Variants in PCDHAC1 observed in about 807,000 individuals in gnomAD.
PCDHAC1 encodes the protein protocadherin alpha-C1.
PCDHAC1 carries 42 observed loss-of-function variants against 60.0 expected under a neutral mutation model. The observed-to-expected ratio is 0.70, with a 90% confidence interval of 0.55 to 0.90. The LOEUF is 0.90. Among genes scored for constraint, PCDHAC1 ranks in the 40% least tolerant of loss-of-function variants. The pLI is 0.00. For synonymous variants in PCDHAC1, 468 were observed against 499.3 expected (o/e 0.94, Z 0.84); for missense variants, 1,160 against 1,222.3 (o/e 0.95, Z 0.76).
At chr5:140,987,022 T>C (rs1218338191) in intron 3 of PCDHAC1, among the ~76,000 whole-genome samples, 1 of 152,068 alleles carries the variant, frequency 6.6e-6, no homozygotes, top group African/African-American at 2.4e-5. Flanking sequence ...GAGACCAGCC[T>C]GGTCAACATG....
chr5:140,936,834 T>TA (rs1554211213), intron 1 of PCDHAC1, among the ~76,000 whole-genome samples: 1 of 152,210 alleles, frequency 6.6e-6, no homozygotes, highest in African/African-American at 2.4e-5. Context: ...CATTTCTATA[T>TA]AAATTGTAGA....
At chr5:140,938,251 A>C (rs1015321564) in intron 1 of PCDHAC1, among the ~76,000 whole-genome samples, 4 of 152,176 alleles carry the variant, frequency 2.6e-5, no homozygotes, top group Non-Finnish European at 5.9e-5. Context: ...TGGTCTTTTA[A>C]AAACTTTCTA....
intron 1 of PCDHAC1, among the ~76,000 whole-genome samples, chr5:140,963,188 G>A (rs1333064851): frequency 6.6e-6 from 1 of 151,712 alleles, no homozygotes; most frequent in African/African-American, 2.4e-5. Context: ...GCTGTAGACT[G>A]TGAAAATGAA....
intron 1 of PCDHAC1, among the ~76,000 whole-genome samples, chr5:140,934,327 T>C (rs1379362644): frequency 1.3e-5 from 2 of 152,152 alleles, no homozygotes; most frequent in African/African-American, 4.8e-5. Flanking sequence ...CAATCATGAA[T>C]GTAATAACCA....
Position 140,928,896 on chromosome 5 carries a change from A to G in PCDHAC1, c.2004A>G (p.Glu668=). The change falls in exon 1 of 4, where the codon GAA becomes GAG. Residue 668 remains glutamate, a synonymous_variant. Coordinates refer to ENST00000253807, the MANE Select transcript of PCDHAC1 (RefSeq NM_018898.5). ...NSVPQLLPDF[E]DVWEPGGQLS... ...TCCCTCAGTTACTTCCAGACTTTGAAGATGTCTGGGAACCAGGAGGGCAGC... is the reference window on the plus strand; with the variant it reads ...TCCCTCAGTTACTTCCAGACTTTGAGGATGTCTGGGAACCAGGAGGGCAGC... 3 of 1,614,108 alleles carry G rather than the reference A, an allele frequency of 1.9e-6. No homozygotes were observed. Among genetic ancestry groups the G allele is most frequent in the Non-Finnish European group, 2.5e-6 (3 of 1,180,024 alleles).
chr5:140,932,991 C>T (rs2088784414), intron 1 of PCDHAC1, among the ~76,000 whole-genome samples: 1 of 151,940 alleles, frequency 6.6e-6, no homozygotes, highest in African/African-American at 2.4e-5. Context: ...AAATGCATGT[C>T]ATATGAATAT....
At position 141,011,314 on chromosome 5, in the gene PCDHAC1, T is replaced by G. The variant is rs1269900647; in HGVS notation, c.*1377T>G. 2.0e-5 allele frequency: 3 copies of G among 153,782 alleles called. No homozygotes were observed. Among genetic ancestry groups the G allele is most frequent in the Non-Finnish European group, 4.4e-5 (3 of 68,040 alleles). 9.5% of individuals were successfully genotyped at this position (153,782 alleles called of 1,614,324 possible). On this transcript the variant is annotated 3_prime_UTR_variant, in exon 4 of 4. Coordinates refer to ENST00000253807, the MANE Select transcript of PCDHAC1 (RefSeq NM_018898.5). ...CTATAACACTCTGAATTGCTAATCT[T>G]ACTAACACCTATGATGTTACCTGAA...
chr5:140,964,531 C>T (rs781961669), intron 1 of PCDHAC1, among the ~76,000 whole-genome samples: 4 of 152,058 alleles, frequency 2.6e-5, no homozygotes, highest in Non-Finnish European at 5.9e-5. Context: ...CTCTGAGCTG[C>T]GTGCAGAGAT....
intron 1 of PCDHAC1, chr5:140,968,408 A>G: frequency 6.2e-7 from 1 of 1,613,980 alleles, no homozygotes; most frequent in Non-Finnish European, 8.5e-7. Flanking sequence ...GTTCTTTGTG[A>G]CTGTGGAGGC....
intron 1 of PCDHAC1, among the ~76,000 whole-genome samples, chr5:140,960,080 A>G: frequency 6.6e-6 from 1 of 152,360 alleles, no homozygotes; most frequent in South Asian, 2.1e-4. Context: ...GAAGTTTCTA[A>G]AAGAGAAAGA....
intron 1 of PCDHAC1, among the ~76,000 whole-genome samples, chr5:140,977,356 T>C (rs1563455891): frequency 6.6e-6 from 1 of 152,250 alleles, no homozygotes; most frequent in African/African-American, 2.4e-5. Flanking sequence ...GACTGATTGA[T>C]AAAAAGTATT....
chr5:140,937,099 G>T (rs890589684), intron 1 of PCDHAC1, among the ~76,000 whole-genome samples: 1 of 149,656 alleles, frequency 6.7e-6, no homozygotes, highest in Non-Finnish European at 1.5e-5. Flanking sequence ...GTGCAGTGGC[G>T]CAGTCTCGGC....
intron 1 of PCDHAC1, among the ~76,000 whole-genome samples, chr5:140,934,108 T>C (rs574657499): frequency 6.6e-6 from 1 of 152,276 alleles, no homozygotes; most frequent in East Asian, 1.9e-4. Flanking sequence ...TCTATTTTAT[T>C]AATTTTCATA....
intron 1 of PCDHAC1, among the ~76,000 whole-genome samples, chr5:140,960,767 G>A (rs1160174091): frequency 1.3e-5 from 2 of 152,036 alleles, no homozygotes; most frequent in Admixed American, 6.6e-5. Context: ...GAGTTACAGA[G>A]GAGAAATAGG....
At chr5:140,967,749 C>T (rs1554229896) in intron 1 of PCDHAC1, 1 of 1,614,172 alleles carries the variant, frequency 6.2e-7, no homozygotes, top group African/African-American at 1.3e-5. Context: ...TATGAGGAAG[C>T]CTCCTCCTAC....
In PCDHAC1 at chr5:141,010,896, A is replaced by G. The variant is rs1433932699; in HGVS notation, c.*959A>G. 6.5e-6 allele frequency: 1 copy of G among 153,790 alleles called. No individual in the cohort carries two copies. The highest frequency in any genetic ancestry group is 1.5e-5 in the Non-Finnish European group (1 of 68,052). The allele number at this position is 153,790 out of a possible 1,614,324, so 9.5% of individuals were successfully genotyped here. A position where few individuals can be genotyped will look rare whatever the true frequency, so the allele number is the denominator to read the frequency against. Reference sequence around the variant, plus strand: ...ATCTTTAAAGAGAAATATGAATACAATTCCCCTAAACTCTCCTCAAAAGAG... The same window carrying G: ...ATCTTTAAAGAGAAATATGAATACAGTTCCCCTAAACTCTCCTCAAAAGAG... On this transcript the variant is annotated 3_prime_UTR_variant, in exon 4 of 4. Coordinates refer to ENST00000253807, the MANE Select transcript of PCDHAC1 (RefSeq NM_018898.5).
In PCDHAC1 at chr5:140,969,008, G is replaced by C. The variant is rs782541476; in HGVS notation, c.2434-9941G>C. 29 of 1,614,076 alleles carry C rather than the reference G, an allele frequency of 1.8e-5. 1 individual carries two copies. In the Admixed American group the frequency reaches 4.8e-4, roughly 27 times the overall value. Reference sequence around the variant, plus strand: ...TGCATGCTGTGGAGGCTTCTGTGGAGTAAGGGAAAGGTCCCCTGCAGAACT... The same window carrying C: ...TGCATGCTGTGGAGGCTTCTGTGGACTAAGGGAAAGGTCCCCTGCAGAACT... On this transcript the variant is annotated intron_variant, in intron 1 of 3. Coordinates refer to ENST00000253807, the MANE Select transcript of PCDHAC1 (RefSeq NM_018898.5).
chr5:140,957,468 T>C (rs1318789577), intron 1 of PCDHAC1, among the ~76,000 whole-genome samples: 2 of 152,166 alleles, frequency 1.3e-5, no homozygotes, highest in African/African-American at 4.8e-5. Context: ...GGTATGTATG[T>C]ATAGGAAAAA....
intron 3 of PCDHAC1, among the ~76,000 whole-genome samples, chr5:140,985,239 A>C (rs2097143502): frequency 6.6e-6 from 1 of 152,008 alleles, no homozygotes; most frequent in South Asian, 2.1e-4. Flanking sequence ...GCCTGGCCTA[A>C]TCTTCTTACT....
Sources: gnomAD v4.1 joint callset for allele counts (sites outside exome capture counted in the v4.1 genomes callset) on GRCh38, gnomAD v4.1.1 for gene constraint, MANE v1.5 for transcripts, NCBI Gene and HGNC (gene_info 2026-07-23, HGNC 2026-07-21) for gene names.